The following NCOR1 variants were observed in gnomAD, a reference collection of about 807,000 sequenced individuals.
The protein encoded by NCOR1 is nuclear receptor corepressor 1.
Under a neutral mutation model 288.1 loss-of-function variants are expected in NCOR1, and 63 were observed. The observed-to-expected ratio is 0.22, with a 90% CI of 0.18 to 0.27. The LOEUF (loss-of-function observed/expected upper bound fraction) is 0.27. Among genes scored for constraint, NCOR1 ranks in the 10% least tolerant of loss-of-function variants. The pLI is 1.00. For missense variants in NCOR1, 2,397 were observed against 3,019.2 expected, an observed-to-expected ratio of 0.79 and a Z score of 4.83; for synonymous variants, 1,007 against 1,065.9, an observed-to-expected ratio of 0.94 and a Z score of 1.08.
At chr17:16,095,242 C>G (rs994654300) in intron 21 of NCOR1, among the ~76,000 whole-genome samples, 14 of 150,974 alleles carry the variant, frequency 9.3e-5, no homozygotes, top group Admixed American at 1.3e-4. Context: ...TGAGGAGCAC[C>G]TCGGCCCGGC....
At chr17:16,057,791 A>G (rs1054933854) in intron 39 of NCOR1, 54 bp from the exon 40 acceptor site, 1 of 1,537,550 alleles carries the variant, frequency 6.5e-7, no homozygotes. Context: ...TTGCAAAAAA[A>G]AAATAGTATT....
In NCOR1 at chr17:16,057,607, C is replaced by T. The variant is rs763361060; in HGVS notation, c.6299G>A (p.Arg2100His). 4.3e-6 allele frequency: 7 copies of T among 1,613,928 alleles called. No individual in the cohort carries two copies. The highest frequency in any genetic ancestry group is 4.0e-5 in the African/African-American group (3 of 74,876). The change falls in exon 40 of 46, where the codon CGT (arginine) becomes CAT (histidine). Residue 2100 changes from arginine to histidine, a missense_variant. Coordinates refer to ENST00000268712, the MANE Select transcript of NCOR1 (RefSeq NM_006311.4). ...STPVRTKTSN[R>H]YSPESQAQSV... ...CTGAGCCTGGGATTCTGGGCTGTAA[C>T]GGTTTGATGTTTTAGTCCTCACAGG...
In NCOR1 at chr17:16,185,683, C is replaced by CAAAAAAA. The variant is rs58712974; in HGVS notation, c.242+864_242+870dup. ...GGGTGACAAGAGTGAGACTCTTTCT[C>CAAAAAAA]AAAAAAAAAAAAAAAAAAAAAAAAA... is the stretch of plus-strand genomic sequence containing the variant. On this transcript the variant is annotated intron_variant, in intron 3 of 45. Transcript: ENST00000268712. Among the ~76,000 whole-genome samples the CAAAAAAA allele has an allele frequency of 1.5e-4, 5 of 33,390 alleles. 1 individual carries two copies. Among genetic ancestry groups the CAAAAAAA allele is most frequent in the Non-Finnish European group, 2.1e-4 (4 of 19,158 alleles). 21.9% of individuals were successfully genotyped at this position (33,390 alleles called of 152,430 possible).
At chr17:16,181,390 TA>T (rs61340804) in intron 3 of NCOR1, among the ~76,000 whole-genome samples, 139,887 of 144,090 alleles carry the variant, frequency 0.97, 67,938 homozygotes, top group Middle Eastern at 1. Context: ...TATGGAATAT[TA>T]AAAAAAAAAA....
intron 21 of NCOR1, among the ~76,000 whole-genome samples, chr17:16,097,434 C>T (rs1053713039): frequency 6.6e-6 from 1 of 152,218 alleles, no homozygotes; most frequent in African/African-American, 2.4e-5. Context: ...CCCAACCCTC[C>T]AGGGAGAGGA....
chr17:16,070,057 T>G (rs1457845054), intron 31 of NCOR1, 108 bp downstream of exon 31: 4 of 1,383,538 alleles, frequency 2.9e-6, no homozygotes, highest in Non-Finnish European at 3.9e-6. Flanking sequence ...CTGTAGATCT[T>G]GGGATACTCT....
At chr17:16,148,135 A>T (rs774531554) in intron 9 of NCOR1, among the ~76,000 whole-genome samples, 6 of 152,168 alleles carry the variant, frequency 3.9e-5, no homozygotes, top group Non-Finnish European at 8.8e-5. Flanking sequence ...GCAAACTCTT[A>T]AAATGCAAAC....
rs750836943 is a variant in NCOR1 at position 16,070,409 on chromosome 17, C to G, written c.4269G>C (p.Val1423=). The G allele has an allele frequency of 1.2e-6, 2 of 1,614,180 alleles. No homozygotes were observed. Among genetic ancestry groups the G allele is most frequent in the Non-Finnish European group, 1.7e-6 (2 of 1,180,034 alleles). ...GTTCTACCACTTTTATGTTCTCTGG[C>G]ACAATTTCCAGCGGAGGCATTCCAC... ...LSRGMPPLEI[V]PENIKVVERG... is the part of the protein sequence containing the mutation. The change falls in exon 31 of 46, where the codon GTG becomes GTC. Residue 1423 remains valine, a synonymous_variant. Transcript: ENST00000268712.
At chr17:16,160,335 A>G (rs2080581886) in intron 5 of NCOR1, among the ~76,000 whole-genome samples, 1 of 152,190 alleles carries the variant, frequency 6.6e-6, no homozygotes, top group Non-Finnish European at 1.5e-5. Context: ...CTTTTTTTCA[A>G]CACCTAAACC....
At chr17:16,165,762 G>T (rs1307665035) in intron 4 of NCOR1, among the ~76,000 whole-genome samples, 1 of 152,122 alleles carries the variant, frequency 6.6e-6, no homozygotes, top group East Asian at 1.9e-4. Context: ...ACATCCCATT[G>T]TGCCTCCAAA....
At chr17:16,206,317 T>C (rs2091498846) in intron 1 of NCOR1, among the ~76,000 whole-genome samples, 1 of 150,748 alleles carries the variant, frequency 6.6e-6, no homozygotes, top group Non-Finnish European at 1.5e-5. Context: ...CACAATTGTT[T>C]ACAGCTTTGT....
chr17:16,029,696 A>C lies in NCOR1; in HGVS notation c.*2600T>G, dbSNP rs973535058. ...CAGTGCTGCTCTGTGCTTACCACTT[A>C]AATCATGATAAGGTGAACCTCCATA... On this transcript the variant is annotated 3_prime_UTR_variant, in exon 46 of 46. Coordinates refer to ENST00000268712, the MANE Select transcript of NCOR1 (RefSeq NM_006311.4). 2.6e-5 allele frequency: 4 copies of C among 153,774 alleles called. No homozygotes were observed. Among genetic ancestry groups the C allele is most frequent in the African/African-American group, 7.2e-5 (3 of 41,464 alleles). The allele number at this position is 153,774 out of a possible 1,614,324, so 9.5% of individuals were successfully genotyped here. A position where few individuals can be genotyped will look rare whatever the true frequency, so the allele number is the denominator to read the frequency against.
chr17:16,197,363 AAT>A (rs2090038902), intron 1 of NCOR1, among the ~76,000 whole-genome samples: 1 of 151,986 alleles, frequency 6.6e-6, no homozygotes, highest in South Asian at 2.1e-4. Flanking sequence ...GGTACCATGT[AAT>A]ATATAAATAT....
chr17:16,211,472 G>A (rs1035397747), intron 1 of NCOR1, among the ~76,000 whole-genome samples: 4 of 151,762 alleles, frequency 2.6e-5, no homozygotes, highest in African/African-American at 4.8e-5. Context: ...GCCTCAAGTG[G>A]TCCTATCACC....
chr17:16,053,083 A>G (rs2059501452), intron 40 of NCOR1, among the ~76,000 whole-genome samples: 1 of 152,206 alleles, frequency 6.6e-6, no homozygotes, highest in Admixed American at 6.5e-5. Context: ...CCCACAGCCA[A>G]CATCATACTG....
rs1226262214 is a variant in NCOR1, at chr17:16,064,124, TTCTCCCGCTCCC to T, written c.5153_5164del (p.Arg1718_Lys1722delinsGln). ...AGCAATCCGTTCCCGCTCCCGCTCCTTCTCCCGCTCCCGTTCCCGTTCCCTCTCAGCACTTGC... is the reference window on the plus strand; with the variant it reads ...AGCAATCCGTTCCCGCTCCCGCTCCTGTTCCCGTTCCCTCTCAGCACTTGC... On this transcript the variant is annotated inframe_deletion, in exon 35 of 46. Coordinates refer to ENST00000268712, the MANE Select transcript of NCOR1 (RefSeq NM_006311.4). The T allele has an allele frequency of 8.1e-6, 13 of 1,613,814 alleles. No homozygotes were observed. Among genetic ancestry groups the T allele is most frequent in the Non-Finnish European group, 1.0e-5 (12 of 1,179,720 alleles).
At chr17:16,064,028 G>A (rs758142259) in intron 35 of NCOR1, 40 bp downstream of exon 35, 2 of 1,609,318 alleles carry the variant, frequency 1.2e-6, no homozygotes, top group Non-Finnish European at 8.5e-7. Context: ...AGATTACTAA[G>A]ATGTGTCCAG....
intron 23 of NCOR1, among the ~76,000 whole-genome samples, chr17:16,085,067 A>G (rs2064007616): frequency 6.6e-6 from 1 of 152,232 alleles, no homozygotes; most frequent in Admixed American, 6.5e-5. Flanking sequence ...ACTTTCAACC[A>G]TAATAAAGAT....
intron 6 of NCOR1, among the ~76,000 whole-genome samples, chr17:16,157,843 T>C (rs1056915478): frequency 1.3e-4 from 20 of 151,022 alleles, no homozygotes; most frequent in African/African-American, 1.7e-4. Flanking sequence ...AAAACTAACT[T>C]TGATACTACA....
Sources: allele counts gnomAD v4.1 joint callset (sites outside exome capture counted in the v4.1 genomes callset), GRCh38; gene constraint gnomAD v4.1.1; transcripts MANE v1.5; gene names NCBI Gene and HGNC (gene_info 2026-07-23, HGNC 2026-07-21).